EXOC2: variants seen among roughly 807,000 people sequenced by gnomAD.
EXOC2 encodes the protein exocyst complex component 2, also known as SEC5-like 1.
Under a neutral mutation model 131.8 loss-of-function variants are expected in EXOC2, and 70 were observed. The observed-to-expected ratio is 0.53, with a 90% CI of 0.44 to 0.65. EXOC2 has a LOEUF of 0.65. EXOC2 is among the 30% of genes least tolerant of loss of function. EXOC2 has a pLI of 0.00. For synonymous variants in EXOC2, 411 were observed against 398.4 expected (o/e 1.03, Z -0.38); for missense variants, 923 against 1,108.6 (o/e 0.83, Z 2.38).
At chr6:531,096 G>A (rs371797091) in intron 23 of EXOC2, among the ~76,000 whole-genome samples, 17 of 152,178 alleles carry the variant, frequency 1.1e-4, no homozygotes, top group African/African-American at 4.1e-4. Context: ...TAGCCTCAGG[G>A]AGAATGAGCC....
chr6:624,206 G>T (rs1213898117), intron 4 of EXOC2, among the ~76,000 whole-genome samples: 1 of 152,164 alleles, frequency 6.6e-6, no homozygotes, highest in East Asian at 1.9e-4. Flanking sequence ...AGCTCCATGG[G>T]TAACACAGCT....
chr6:678,507 G>A (rs1332072750), intron 1 of EXOC2, among the ~76,000 whole-genome samples: 2 of 152,196 alleles, frequency 1.3e-5, no homozygotes, highest in East Asian at 1.9e-4. Flanking sequence ...CCAGAGACTG[G>A]GTGAGCAACC....
At chr6:646,429 A>G (rs1762582228) in intron 1 of EXOC2, among the ~76,000 whole-genome samples, 1 of 152,192 alleles carries the variant, frequency 6.6e-6, no homozygotes. Flanking sequence ...GAAGTAAGTA[A>G]GGGGTTTATA....
chr6:511,243 C>T (rs548864696), intron 23 of EXOC2, among the ~76,000 whole-genome samples: 1 of 152,210 alleles, frequency 6.6e-6, no homozygotes, highest in Non-Finnish European at 1.5e-5. Flanking sequence ...TGACTGCAGT[C>T]ATTACCGTGG....
intron 8 of EXOC2, 52 bp downstream of exon 8, chr6:599,028 A>C: frequency 6.4e-7 from 1 of 1,567,096 alleles, no homozygotes; most frequent in Non-Finnish European, 8.6e-7. Context: ...AAAAAATCTT[A>C]AAAATGTATG....
intron 11 of EXOC2, among the ~76,000 whole-genome samples, chr6:585,371 T>C (rs1005042949): frequency 1.3e-5 from 2 of 152,140 alleles, no homozygotes; most frequent in Admixed American, 6.5e-5. Flanking sequence ...GGTGCAAGGG[T>C]GAGCTCCTGT....
At chr6:625,473 T>C (rs1191925276) in intron 4 of EXOC2, among the ~76,000 whole-genome samples, 1 of 152,122 alleles carries the variant, frequency 6.6e-6, no homozygotes, top group African/African-American at 2.4e-5. Context: ...TTTACCAACA[T>C]TGTTTACACT....
In EXOC2 at chr6:523,901, C is replaced by G. The variant is rs146257678; in HGVS notation, c.2380+8568G>C. ...CCTCTATTTTCCGCTGAATTGATAA[C>G]GTGAATACAATGTTATTATTTGAAG... is the stretch of plus-strand genomic sequence containing the variant. On this transcript the variant is annotated intron_variant, in intron 23 of 27. Transcript: ENST00000230449. Among the ~76,000 whole-genome samples, 17 of 152,206 alleles carry G rather than the reference C, an allele frequency of 1.1e-4. No individual in the cohort carries two copies. In the East Asian group the frequency reaches 2.3e-3, roughly 21 times the overall value.
chr6:660,891 AAAT>A (rs780376162), intron 1 of EXOC2, among the ~76,000 whole-genome samples: 7 of 152,242 alleles, frequency 4.6e-5, no homozygotes, highest in Non-Finnish European at 8.8e-5. Context: ...CAATGCAAGG[AAAT>A]CAAATAAACA....
intron 4 of EXOC2, among the ~76,000 whole-genome samples, chr6:620,953 C>T (rs1258770774): frequency 1.3e-5 from 2 of 152,132 alleles, no homozygotes; most frequent in African/African-American, 2.4e-5. Flanking sequence ...GGCATTTTCA[C>T]GGGTTCCCTA....
chr6:553,857 G>A lies in EXOC2; in HGVS notation c.2118C>T (p.Thr706=). Residue 706 remains threonine, a synonymous_variant, in exon 21 of 28, where the codon ACC becomes ACT. Transcript: ENST00000230449. ...FGSIHEDFSL[T]SEQRLLIVLS... is the part of the protein sequence containing the mutation. ...TTCTAGTTATCGTCTGACTTACTGA[G>A]GTCAAGCTGAAGTCTTCATGGATAC... 1.2e-6 allele frequency: 2 copies of A among 1,613,250 alleles called. No individual in the cohort carries two copies. Among genetic ancestry groups the A allele is most frequent in the Non-Finnish European group, 8.5e-7 (1 of 1,179,226 alleles).
intron 2 of EXOC2, among the ~76,000 whole-genome samples, chr6:636,039 G>C (rs531947209): frequency 3.7e-4 from 57 of 152,362 alleles, no homozygotes; most frequent in African/African-American, 1.3e-3. Context: ...CTCTAGCCTG[G>C]CAACAGAGCG....
intron 1 of EXOC2, among the ~76,000 whole-genome samples, chr6:664,366 T>C (rs1207909448): frequency 6.6e-6 from 1 of 152,086 alleles, no homozygotes; most frequent in African/African-American, 2.4e-5. Context: ...AAAATGACCA[T>C]ACTGTCAAAA....
At chr6:489,502 T>C (rs966606890) in intron 26 of EXOC2, among the ~76,000 whole-genome samples, 35 of 152,324 alleles carry the variant, frequency 2.3e-4, no homozygotes, top group Admixed American at 1.9e-3. Context: ...ATAATTACAG[T>C]CTACTTAAAA....
chr6:489,767 C>T (rs1763312631), intron 26 of EXOC2, among the ~76,000 whole-genome samples: 1 of 152,188 alleles, frequency 6.6e-6, no homozygotes, highest in African/African-American at 2.4e-5. Context: ...TACTGCAATT[C>T]TTGACTTTAG....
chr6:619,564 A>G, intron 4 of EXOC2, 21 bp from the exon 5 acceptor site: 5 of 1,556,268 alleles, frequency 3.2e-6, no homozygotes, highest in Non-Finnish European at 3.5e-6. Context: ...AAAACGTTTA[A>G]AATATATTTC....
Position 537,474 on chromosome 6 carries a change from G to A in EXOC2, c.2239-4864C>T, listed in dbSNP as rs114481235. Among the ~76,000 whole-genome samples, 789 of 151,562 alleles carry A rather than the reference G, an allele frequency of 5.2e-3. 12 individuals are homozygous for A. The highest frequency in any genetic ancestry group is 0.018 in the African/African-American group (748 of 41,172). ...CACTCGAGTTGATGGCCGACGGAGCGTACACTCAAGATGATGACCGACGGA... is the reference window on the plus strand; with the variant it reads ...CACTCGAGTTGATGGCCGACGGAGCATACACTCAAGATGATGACCGACGGA... On this transcript the variant is annotated intron_variant, in intron 22 of 27. Coordinates refer to ENST00000230449, the MANE Select transcript of EXOC2 (RefSeq NM_018303.6).
At chr6:680,622 AGG>A (rs1231207911) in intron 1 of EXOC2, among the ~76,000 whole-genome samples, 1 of 152,158 alleles carries the variant, frequency 6.6e-6, no homozygotes, top group Non-Finnish European at 1.5e-5. Context: ...CAGGCAGCAG[AGG>A]GTCTCCTTAA....
chr6:538,597 G>C (rs568426991), intron 22 of EXOC2, among the ~76,000 whole-genome samples: 1 of 147,888 alleles, frequency 6.8e-6, no homozygotes, highest in Admixed American at 6.7e-5. Flanking sequence ...TTTTAGGGCA[G>C]GTGTCTCTAA....
Sources: allele counts gnomAD v4.1 joint callset (sites outside exome capture counted in the v4.1 genomes callset), GRCh38; gene constraint gnomAD v4.1.1; transcripts MANE v1.5; gene names NCBI Gene and HGNC (gene_info 2026-07-23, HGNC 2026-07-21).